Variants in CSMD3 observed in about 807,000 individuals in gnomAD.
CSMD3 encodes CUB and Sushi multiple domains 3.
In CSMD3, 177 loss-of-function variants were observed where a neutral mutation model predicts 435.2. The ratio of observed to expected loss-of-function variants is 0.41; its 90% CI spans 0.36 to 0.46. The LOEUF (loss-of-function observed/expected upper bound fraction) is 0.46. Among genes scored for constraint, CSMD3 ranks in the 20% least tolerant of loss-of-function variants. The probability of loss-of-function intolerance (pLI) is 0.34; values close to 1 mark genes in which losing one functional copy is unlikely to be tolerated. For missense variants in CSMD3, 4,265 were observed against 4,504.6 expected (o/e 0.95, Z 1.52); for synonymous variants, 1,656 against 1,520.5 (o/e 1.09, Z -2.07).
At chr8:112,763,123 T>C (rs1380261762) in intron 13 of CSMD3, among the ~76,000 whole-genome samples, 2 of 151,822 alleles carry the variant, frequency 1.3e-5, no homozygotes, top group Non-Finnish European at 3.0e-5. Context: ...TTCCACAATG[T>C]ACATATATTT....
chr8:112,468,489 C>T (rs7836340), intron 32 of CSMD3, among the ~76,000 whole-genome samples: 35,737 of 151,776 alleles, frequency 0.24, 4,396 homozygotes, highest in East Asian at 0.38. Context: ...TTACTAATTC[C>T]TCCCTCCCCG....
intron 66 of CSMD3, among the ~76,000 whole-genome samples, chr8:112,238,810 G>C (rs1813843317): frequency 6.6e-6 from 1 of 151,516 alleles, no homozygotes; most frequent in South Asian, 2.1e-4. Flanking sequence ...ATCTCTTAAT[G>C]TGATACATTA....
intron 27 of CSMD3, among the ~76,000 whole-genome samples, chr8:112,548,987 T>C (rs1171447962): frequency 1.3e-5 from 2 of 152,048 alleles, no homozygotes; most frequent in African/African-American, 2.4e-5. Context: ...TTATCTACAA[T>C]AAAAATTCCC....
chr8:113,429,028 C>T (rs1014615512), intron 1 of CSMD3, among the ~76,000 whole-genome samples: 46 of 151,864 alleles, frequency 3.0e-4, no homozygotes, highest in African/African-American at 9.9e-4. Context: ...AAGGGAATCA[C>T]TCATGACTAT....
chr8:112,684,367 A>G (rs1377520318), intron 15 of CSMD3, among the ~76,000 whole-genome samples: 1 of 152,078 alleles, frequency 6.6e-6, no homozygotes, highest in Non-Finnish European at 1.5e-5. Flanking sequence ...AAATACAACA[A>G]CTACACTTTG....
At chr8:113,304,008 A>G (rs548317023) in intron 2 of CSMD3, among the ~76,000 whole-genome samples, 1 of 139,796 alleles carries the variant, frequency 7.2e-6, no homozygotes, top group Non-Finnish European at 1.6e-5. Context: ...TTGGCAACCT[A>G]CTCATCTGAC....
chr8:112,291,999 A>C (rs1329810838), intron 55 of CSMD3, among the ~76,000 whole-genome samples: 1 of 152,066 alleles, frequency 6.6e-6, no homozygotes, highest in African/African-American at 2.4e-5. Context: ...AGAAAACAAC[A>C]TGCAGGAGAA....
intron 4 of CSMD3, among the ~76,000 whole-genome samples, chr8:113,127,294 C>A (rs2091161817): frequency 6.6e-6 from 1 of 152,078 alleles, no homozygotes. Flanking sequence ...GGATCTGTCA[C>A]AAGCATTTCA....
chr8:113,141,809 C>T (rs2091555932), intron 4 of CSMD3, among the ~76,000 whole-genome samples: 2 of 150,886 alleles, frequency 1.3e-5, no homozygotes, highest in Admixed American at 6.6e-5. Flanking sequence ...ACAGTTGTAG[C>T]TAGTACAGTA....
At chr8:113,230,263 T>C (rs1249542010) in intron 3 of CSMD3, among the ~76,000 whole-genome samples, 2 of 151,724 alleles carry the variant, frequency 1.3e-5, no homozygotes, top group African/African-American at 2.4e-5. Context: ...TTGATTTAAT[T>C]AGAATAAGTT....
chr8:113,204,156 T>G (rs930122296), intron 3 of CSMD3, among the ~76,000 whole-genome samples: 6 of 152,168 alleles, frequency 3.9e-5, no homozygotes, highest in African/African-American at 7.2e-5. Flanking sequence ...TTTCCAAAAT[T>G]TTTAACTCTG....
chr8:112,527,231 A>T (rs531031187), intron 27 of CSMD3, among the ~76,000 whole-genome samples: 12 of 151,994 alleles, frequency 7.9e-5, no homozygotes, highest in African/African-American at 2.9e-4. Flanking sequence ...TTAAATATAA[A>T]GACACTGATA....
At chr8:112,255,679 G>T (rs1167726878) in intron 61 of CSMD3, 1 of 484,850 alleles carries the variant, frequency 2.1e-6, no homozygotes, top group East Asian at 3.7e-5. Context: ...AATAAAGAAA[G>T]AATTTTTGTA....
At chr8:112,443,262 C>T (rs1277908816) in intron 32 of CSMD3, among the ~76,000 whole-genome samples, 3 of 152,130 alleles carry the variant, frequency 2.0e-5, no homozygotes, top group Non-Finnish European at 4.4e-5. Context: ...GATTCGTGAA[C>T]CTTACAGGTA....
chr8:113,014,050 C>T (rs1419751810), intron 6 of CSMD3, among the ~76,000 whole-genome samples: 1 of 152,064 alleles, frequency 6.6e-6, no homozygotes, highest in Non-Finnish European at 1.5e-5. Flanking sequence ...AGTAGCTAGC[C>T]ACTTATCAGA....
rs184352413 is a variant in CSMD3 at position 113,096,788 on chromosome 8, G to A, written c.917+1968C>T. ...ACTCTGCTTTAAGTATTTTGCTCTAGATGTCATTTTTGCCTGAAGGCTCAT... is the reference window on the plus strand; with the variant it reads ...ACTCTGCTTTAAGTATTTTGCTCTAAATGTCATTTTTGCCTGAAGGCTCAT... On this transcript the variant is annotated intron_variant, in intron 5 of 70. Coordinates refer to ENST00000297405, the MANE Select transcript of CSMD3 (RefSeq NM_198123.2). Among the ~76,000 whole-genome samples, 1,175 of 152,112 alleles carry A rather than the reference G, an allele frequency of 7.7e-3. 16 individuals are homozygous for A. The highest frequency in any genetic ancestry group is 0.027 in the African/African-American group (1,125 of 41,508).
chr8:113,282,618 T>A (rs577015685), intron 2 of CSMD3, among the ~76,000 whole-genome samples: 1 of 152,046 alleles, frequency 6.6e-6, no homozygotes, highest in Non-Finnish European at 1.5e-5. Flanking sequence ...ACCATGCACA[T>A]AGATGAGGAG....
intron 5 of CSMD3, among the ~76,000 whole-genome samples, chr8:113,071,910 C>A (rs10808453): frequency 6.6e-6 from 1 of 151,312 alleles, no homozygotes; most frequent in Non-Finnish European, 1.5e-5. Context: ...GTATTATGGG[C>A]ATTTAAAAAA....
At chr8:112,727,206 T>G (rs906062371) in intron 13 of CSMD3, among the ~76,000 whole-genome samples, 24 of 151,786 alleles carry the variant, frequency 1.6e-4, no homozygotes, top group Non-Finnish European at 4.4e-5. Flanking sequence ...ATATATTGTG[T>G]TAAGGGAAGT....
Sources: allele counts gnomAD v4.1 joint callset (sites outside exome capture counted in the v4.1 genomes callset), GRCh38; gene constraint gnomAD v4.1.1; transcripts MANE v1.5; gene names NCBI Gene and HGNC (gene_info 2026-07-23, HGNC 2026-07-21).